Variants in TTLL4 observed in about 807,000 individuals in gnomAD.
TTLL4 encodes the protein tubulin tyrosine ligase like 4.
In TTLL4, 85 loss-of-function variants were observed where a neutral mutation model predicts 122.7. That is an observed-to-expected ratio of 0.69 (90% CI 0.58 to 0.83). The LOEUF (loss-of-function observed/expected upper bound fraction) is 0.83. TTLL4 is among the 40% of genes least tolerant of loss of function. The probability of loss-of-function intolerance (pLI) is 0.00; values close to 1 mark genes in which losing one functional copy is unlikely to be tolerated. For synonymous variants in TTLL4, 553 were observed against 563.0 expected (o/e 0.98, Z 0.25); for missense variants, 1,363 against 1,488.6 (o/e 0.92, Z 1.39).
intron 1 of TTLL4, among the ~76,000 whole-genome samples, chr2:218,722,938 T>A (rs1033287248): frequency 7.2e-5 from 11 of 152,202 alleles, no homozygotes; most frequent in Non-Finnish European, 2.9e-5. Flanking sequence ...GTCGGGAGTT[T>A]CTGTGTTGTA....
At position 218,740,603 on chromosome 2, in the gene TTLL4, A is replaced by T. The variant is rs755221599; in HGVS notation, c.1661+19A>T. ...TCTCTAGGTAAGTGTGGCTGTATAG[A>T]TCATTGTTACATGCTCATCTTTTGT... On this transcript the variant is annotated intron_variant, in intron 5 of 19. Coordinates refer to ENST00000392102, the MANE Select transcript of TTLL4 (RefSeq NM_014640.5). 1 of 1,613,526 alleles carries T rather than the reference A, an allele frequency of 6.2e-7. No homozygotes were observed. The highest frequency in any genetic ancestry group is 8.5e-7 in the Non-Finnish European group (1 of 1,179,460).
intron 1 of TTLL4, among the ~76,000 whole-genome samples, chr2:218,717,133 ATTTTT>A (rs1016679270): frequency 2.0e-5 from 3 of 146,922 alleles, no homozygotes; most frequent in Middle Eastern, 3.2e-3. Context: ...GATTTTTTGT[ATTTTT>A]TTTTTGTAGA....
intron 6 of TTLL4, 104 bp downstream of exon 6, chr2:218,745,337 CT>C: frequency 6.7e-7 from 1 of 1,489,186 alleles, no homozygotes; most frequent in African/African-American, 1.4e-5. Flanking sequence ...TCCAGAATGG[CT>C]GTTGTGGCAG....
chr2:218,757,234 G>A (rs1943169433), downstream of TTLL4, among the ~76,000 whole-genome samples: 1 of 152,158 alleles, frequency 6.6e-6, no homozygotes, highest in Non-Finnish European at 1.5e-5. Context: ...CCAGGAGGTG[G>A]AGCTGCCATC....
intron 1 of TTLL4, among the ~76,000 whole-genome samples, chr2:218,721,273 C>T (rs1361301283): frequency 6.6e-6 from 1 of 152,210 alleles, no homozygotes; most frequent in Non-Finnish European, 1.5e-5. Context: ...AGGTGGGGTT[C>T]TGCCATGTGG....
At position 218,737,568 on chromosome 2, in the gene TTLL4, C is replaced by G; in HGVS notation, c.-98-11C>G. The G allele has an allele frequency of 7.8e-7, 1 of 1,282,148 alleles. No homozygotes were observed. Among genetic ancestry groups the G allele is most frequent in the Non-Finnish European group, 1.1e-6 (1 of 924,920 alleles). 79.4% of individuals were successfully genotyped at this position (1,282,148 alleles called of 1,614,324 possible). A position where few individuals can be genotyped will look rare whatever the true frequency, so the allele number is the denominator to read the frequency against. The stretch of plus-strand genomic sequence containing the variant: ...CACTGTAACATTTCCTATCATTTCT[C>G]TCCACTTCAGACTGACAGACTTCAA... On this transcript the variant is annotated splice_polypyrimidine_tract_variant and intron_variant, in intron 2 of 19. Coordinates refer to ENST00000392102, the MANE Select transcript of TTLL4 (RefSeq NM_014640.5).
intron 15 of TTLL4, among the ~76,000 whole-genome samples, chr2:218,751,028 G>A (rs1943000741): frequency 6.6e-6 from 1 of 152,106 alleles, no homozygotes; most frequent in African/African-American, 2.4e-5. Context: ...GTTTACAGAG[G>A]AGAAAACTGA....
chr2:218,752,228 G>T (rs1288907791), intron 16 of TTLL4, among the ~76,000 whole-genome samples: 1 of 152,184 alleles, frequency 6.6e-6, no homozygotes, highest in African/African-American at 2.4e-5. Context: ...TTTCTTAAGA[G>T]CACGGTTTCT....
At position 218,738,379 on chromosome 2, in the gene TTLL4, A is replaced by T; in HGVS notation, c.703A>T (p.Thr235Ser). ...PNSTPVPLLQ[T>S]TQGLKPVSPP... ...TAGCACGCCAGTGCCTTTATTGCAG[A>T]CCACACAGGGCCTGAAGCCAGTATC... is the stretch of plus-strand genomic sequence containing the variant. Residue 235 changes from threonine to serine, a missense_variant, in exon 3 of 20, where the codon ACC becomes TCC. Physicochemically the swap from Thr to Ser is moderately conservative, Grantham distance 58. Around this residue, in one of 3 missense-constraint regions of TTLL4, gnomAD observed 760 missense variants for 808.4 expected, o/e 0.94. Coordinates refer to ENST00000392102, the MANE Select transcript of TTLL4 (RefSeq NM_014640.5). 1.2e-6 allele frequency: 2 copies of T among 1,614,128 alleles called. No homozygotes were observed. The highest frequency in any genetic ancestry group is 1.7e-6 in the Non-Finnish European group (2 of 1,180,014).
chr2:218,753,315 A>G, intron 18 of TTLL4, 130 bp downstream of exon 18: 1 of 1,072,586 alleles, frequency 9.3e-7, no homozygotes, highest in Non-Finnish European at 1.4e-6. Flanking sequence ...CTTCTGTCTC[A>G]CCATTCTTTC....
chr2:218,757,119 G>A (rs926227620), downstream of TTLL4, among the ~76,000 whole-genome samples: 5 of 152,174 alleles, frequency 3.3e-5, no homozygotes, highest in African/African-American at 1.2e-4. Context: ...GTGAAAGTAC[G>A]TAGGACATAG....
At chr2:218,757,685 T>C (rs1179813647), downstream of TTLL4, among the ~76,000 whole-genome samples, 1 of 152,168 alleles carries the variant, frequency 6.6e-6, no homozygotes, top group Non-Finnish European at 1.5e-5. Context: ...AGTATCCCCC[T>C]GTCACCCTAG....
At chr2:218,751,561 A>G (rs1943014315) in intron 15 of TTLL4, 143 bp from the exon 16 acceptor site, 1 of 1,337,682 alleles carries the variant, frequency 7.5e-7, no homozygotes, top group African/African-American at 1.5e-5. Flanking sequence ...ATTTTAGTCC[A>G]ACCTACTACT....
Position 218,747,461 on chromosome 2 carries a change from C to G in TTLL4, c.2249+89C>G. 1 of 1,569,594 alleles carries G rather than the reference C, an allele frequency of 6.4e-7. No homozygotes were observed. Among genetic ancestry groups the G allele is most frequent in the East Asian group, 2.2e-5 (1 of 44,516 alleles). On this transcript the variant is annotated intron_variant, in intron 10 of 19. Transcript: ENST00000392102. This position sits in a 1 kb window ranked among gnomAD's most constrained non-coding sequence, Gnocchi z 4.7. ...TTACAATGTTCTGCCCTTTGTTCTC[C>G]CAGCCAAAGAGCTTCCTTAGCCAAC...
chr2:218,747,172 G>A lies in TTLL4; in HGVS notation c.2144G>A (p.Arg715His), dbSNP rs753204124. Residue 715 changes from arginine to histidine, a missense_variant, in exon 9 of 20, where the codon CGC becomes CAC. Physicochemically the swap from Arg to His is conservative, Grantham distance 29. Transcript: ENST00000392102. The surrounding 1 kb of genome is among the most constrained non-coding windows in gnomAD (Gnocchi z 4.7). The stretch of plus-strand genomic sequence containing the variant: ...CGCAAAGCGTGGGAGAGCAGCAGCC[G>A]CCAAAAGTGGATTGTGAAGCCAGTG... ...LLRKAWESSS[R>H]QKWIVKPPAS... 6 of 1,614,166 alleles carry A rather than the reference G, an allele frequency of 3.7e-6. No individual in the cohort carries two copies. The highest frequency in any genetic ancestry group is 1.7e-5 in the Admixed American group (1 of 60,022).
rs1559372114 is a variant in TTLL4 at position 218,747,099 on chromosome 2, A to C, written c.2071A>C (p.Ser691Arg). 4.3e-6 allele frequency: 7 copies of C among 1,614,232 alleles called. No homozygotes were observed. The highest frequency in any genetic ancestry group is 5.9e-6 in the Non-Finnish European group (7 of 1,180,046). The part of the protein sequence containing the change: ...MQSRFGKKEF[S>R]FFPQSFILPQ... ...GAGCCGCTTTGGCAAGAAGGAGTTCAGTTTCTTCCCCCAGTCCTTTATCCT... is the reference window on the plus strand; with the variant it reads ...GAGCCGCTTTGGCAAGAAGGAGTTCCGTTTCTTCCCCCAGTCCTTTATCCT... The change falls in exon 9 of 20, where the codon AGT becomes CGT. Residue 691 changes from serine to arginine, a missense_variant. Ser to Arg is a moderately radical substitution (Grantham distance 110). This residue lies in a region of TTLL4 where 596 missense variants were observed against 655.8 expected (regional missense o/e 0.91). Transcript: ENST00000392102. This position sits in a 1 kb window ranked among gnomAD's most constrained non-coding sequence, Gnocchi z 4.7.
intron 2 of TTLL4, among the ~76,000 whole-genome samples, chr2:218,735,848 T>A (rs1218104044): frequency 1.3e-5 from 2 of 152,028 alleles, no homozygotes; most frequent in African/African-American, 4.8e-5. Flanking sequence ...AATTTTTGTA[T>A]TTTTAGTAGA....
At chr2:218,714,099 C>T (rs981520024) in intron 1 of TTLL4, among the ~76,000 whole-genome samples, 3 of 152,084 alleles carry the variant, frequency 2.0e-5, no homozygotes, top group Non-Finnish European at 2.9e-5. Context: ...GAAGCCGTGA[C>T]GTGGAAGGGA....
Position 218,738,782 on chromosome 2 carries a change from A to G in TTLL4, c.1106A>G (p.Gln369Arg), listed in dbSNP as rs1942612934. ...EQSSFLNPSF[Q>R]WNVLNRSRRW... ...TCTAGTTTCCTGAACCCCAGCTTCC[A>G]GTGGAATGTCCTCAACAGGAGCAGG... Residue 369 changes from glutamine to arginine, a missense_variant, in exon 3 of 20, where the codon CAG becomes CGG. Around this residue, in one of 3 missense-constraint regions of TTLL4, gnomAD observed 760 missense variants for 808.4 expected, o/e 0.94. Coordinates refer to ENST00000392102, the MANE Select transcript of TTLL4 (RefSeq NM_014640.5). 6.2e-7 allele frequency: 1 copy of G among 1,614,092 alleles called. No homozygotes were observed. Among genetic ancestry groups the G allele is most frequent in the African/African-American group, 1.3e-5 (1 of 74,930 alleles).
Sources: allele counts gnomAD v4.1 joint callset (sites outside exome capture counted in the v4.1 genomes callset), GRCh38; gene constraint gnomAD v4.1.1; regional missense constraint gnomAD v4.1.1; non-coding constraint Gnocchi (gnomAD v3.1); transcripts MANE v1.5; gene names NCBI Gene and HGNC (gene_info 2026-07-23, HGNC 2026-07-21).